The following SMARCC1 variants were observed in gnomAD, a reference collection of about 807,000 sequenced individuals.
The protein encoded by SMARCC1 is SWI/SNF complex subunit SMARCC1.
In SMARCC1, 43 loss-of-function variants were observed where a neutral mutation model predicts 147.4. The observed-to-expected ratio is 0.29, with a 90% confidence interval of 0.23 to 0.38. SMARCC1 has a LOEUF of 0.38. SMARCC1 is among the 10% of genes least tolerant of loss of function. The pLI, the probability that SMARCC1 is intolerant of heterozygous loss-of-function variation, is 1.00. For missense variants in SMARCC1, 1,119 were observed against 1,381.1 expected, an observed-to-expected ratio of 0.81 and a Z score of 3.01; for synonymous variants, 495 against 484.4, an observed-to-expected ratio of 1.02 and a Z score of -0.29.
intron 6 of SMARCC1, among the ~76,000 whole-genome samples, chr3:47,723,690 G>A (rs2106814032): frequency 6.6e-6 from 1 of 152,164 alleles, no homozygotes; most frequent in South Asian, 2.1e-4. Context: ...GCGGGGGCCT[G>A]TAATCCCAGC....
At chr3:47,710,324 T>C (rs1007070453) in intron 9 of SMARCC1, among the ~76,000 whole-genome samples, 6 of 151,848 alleles carry the variant, frequency 4.0e-5, no homozygotes, top group Admixed American at 2.0e-4. Context: ...TCTCAAAAAA[T>C]ATATATACAT....
At chr3:47,697,628 A>C (rs938861401) in intron 11 of SMARCC1, among the ~76,000 whole-genome samples, 7 of 151,712 alleles carry the variant, frequency 4.6e-5, no homozygotes, top group Non-Finnish European at 7.4e-5. Flanking sequence ...AGGGAAAAAA[A>C]AAAAAAAATT....
chr3:47,705,432 C>T (rs1259982237), intron 10 of SMARCC1, among the ~76,000 whole-genome samples: 1 of 151,766 alleles, frequency 6.6e-6, no homozygotes, highest in Non-Finnish European at 1.5e-5. Flanking sequence ...TGTGTGGGCT[C>T]AAAAACTAAG....
rs750721016 is a variant in SMARCC1 at position 47,610,048 on chromosome 3, G to A, written c.3043+18C>T. ...TAGTGACCATAAGCTTTTTCCAAGA[G>A]CAGGGCCTTCCTCTTACCTGGCTGG... On this transcript the variant is annotated intron_variant, in intron 26 of 27. Transcript: ENST00000254480. The A allele has an allele frequency of 1.2e-6, 2 of 1,611,026 alleles. No individual in the cohort carries two copies. Among genetic ancestry groups the A allele is most frequent in the Non-Finnish European group, 1.7e-6 (2 of 1,179,474 alleles).
chr3:47,647,130 G>T (rs1224817758), intron 21 of SMARCC1, among the ~76,000 whole-genome samples: 1 of 152,188 alleles, frequency 6.6e-6, no homozygotes, highest in Non-Finnish European at 1.5e-5. Flanking sequence ...CGGTCAGACA[G>T]CGAAAAGAAT....
intron 1 of SMARCC1, among the ~76,000 whole-genome samples, chr3:47,778,673 T>G (rs765993579): frequency 2.6e-5 from 4 of 151,980 alleles, no homozygotes; most frequent in Non-Finnish European, 5.9e-5. Context: ...AAACAAAAAT[T>G]TATTAGTCTC....
chr3:47,758,261 AGGAGTTT>A, intron 2 of SMARCC1, among the ~76,000 whole-genome samples: 1 of 152,030 alleles, frequency 6.6e-6, no homozygotes, highest in East Asian at 1.9e-4. Flanking sequence ...CTCCAACCAC[AGGAGTTT>A]GCCAACATGC....
intron 1 of SMARCC1, among the ~76,000 whole-genome samples, chr3:47,778,197 AAAAAACAAAAAAC>A (rs1172768124): frequency 1.2e-4 from 18 of 144,814 alleles, no homozygotes; most frequent in African/African-American, 4.4e-4. Flanking sequence ...TCTCAAAAAA[AAAAAACAAAAAAC>A]AAAAAACAAA....
chr3:47,708,930 G>A (rs1049693609), intron 9 of SMARCC1, among the ~76,000 whole-genome samples: 44 of 152,088 alleles, frequency 2.9e-4, no homozygotes, highest in African/African-American at 1.0e-3. Context: ...GTGAGCCACT[G>A]GGCCCAGTCA....
chr3:47,698,577 A>G (rs548207606), intron 11 of SMARCC1, among the ~76,000 whole-genome samples: 8 of 152,262 alleles, frequency 5.3e-5, no homozygotes, highest in African/African-American at 1.9e-4. Flanking sequence ...CATACTAGGA[A>G]AAAATAAGTG....
At chr3:47,621,868 T>C (rs2032738276) in intron 25 of SMARCC1, among the ~76,000 whole-genome samples, 1 of 150,034 alleles carries the variant, frequency 6.7e-6, no homozygotes, top group African/African-American at 2.4e-5. Flanking sequence ...AATAGAGTTA[T>C]ACAGTTTCTA....
intron 1 of SMARCC1, among the ~76,000 whole-genome samples, chr3:47,775,288 G>A (rs1485881067): frequency 4.0e-5 from 6 of 150,778 alleles, no homozygotes; most frequent in African/African-American, 7.3e-5. Context: ...AGCCTCCCGA[G>A]TAGCTGGGAC....
intron 25 of SMARCC1, among the ~76,000 whole-genome samples, chr3:47,621,470 C>T (rs558939138): frequency 3.9e-5 from 6 of 152,120 alleles, no homozygotes; most frequent in Non-Finnish European, 8.8e-5. Context: ...AAATACTACA[C>T]AGCAATAAAA....
chr3:47,681,096 A>C (rs1308038495), intron 14 of SMARCC1, among the ~76,000 whole-genome samples: 1 of 152,178 alleles, frequency 6.6e-6, no homozygotes, highest in African/African-American at 2.4e-5. Context: ...ATTTTTTGGG[A>C]TAATACAACA....
At chr3:47,664,212 G>C (rs2033391553) in intron 19 of SMARCC1, among the ~76,000 whole-genome samples, 1 of 146,518 alleles carries the variant, frequency 6.8e-6, no homozygotes, top group African/African-American at 2.5e-5. Flanking sequence ...GTCTTAAATA[G>C]CATAATGAGA....
In SMARCC1 at chr3:47,706,538, G is replaced by A. The variant is rs764384904; in HGVS notation, c.919-8C>T. ...TTCTGGACTTCTGACTGGCTAGGAA[G>A]AAGTAAATGGAAATAAGTATCAGCT... On this transcript the variant is annotated splice_polypyrimidine_tract_variant and splice_region_variant and intron_variant, in intron 9 of 27. Transcript: ENST00000254480. The A allele has an allele frequency of 3.8e-5, 58 of 1,546,468 alleles. No homozygotes were observed. The Admixed American group carries it at 1.2e-3, about 31-fold the overall frequency.
At chr3:47,724,843 T>G (rs1425913076) in intron 6 of SMARCC1, among the ~76,000 whole-genome samples, 3 of 152,174 alleles carry the variant, frequency 2.0e-5, no homozygotes, top group African/African-American at 4.8e-5. Flanking sequence ...GAGGATCACT[T>G]GAGCCCAGGA....
At chr3:47,761,473 C>T (rs2034772181) in intron 2 of SMARCC1, among the ~76,000 whole-genome samples, 1 of 151,696 alleles carries the variant, frequency 6.6e-6, no homozygotes, top group Non-Finnish European at 1.5e-5. Context: ...AAGCCAATCT[C>T]CTAAATTTGA....
intron 22 of SMARCC1, among the ~76,000 whole-genome samples, chr3:47,636,853 A>AT (rs1406733122): frequency 1.3e-5 from 2 of 149,802 alleles, no homozygotes; most frequent in Non-Finnish European, 3.0e-5. Flanking sequence ...ATAATTACTG[A>AT]TTGATTTAAA....
Sources: allele counts gnomAD v4.1 joint callset (sites outside exome capture counted in the v4.1 genomes callset), GRCh38; gene constraint gnomAD v4.1.1; transcripts MANE v1.5; gene names NCBI Gene and HGNC (gene_info 2026-07-23, HGNC 2026-07-21).